The following SIK3 variants were observed in gnomAD, a reference collection of about 807,000 sequenced individuals.
SIK3 encodes the protein SIK family kinase 3.
In SIK3, 28 loss-of-function variants were observed where a neutral mutation model predicts 144.2. That is an observed-to-expected ratio of 0.19 (90% confidence interval 0.14 to 0.27). The LOEUF (loss-of-function observed/expected upper bound fraction) is 0.27, where lower values mean the gene tolerates loss of function less well. Among genes scored for constraint, SIK3 ranks in the 10% least tolerant of loss-of-function variants. The pLI is 1.00. For missense variants in SIK3, 1,319 were observed against 1,776.0 expected (o/e 0.74, Z 4.62); for synonymous variants, 686 against 676.3 (o/e 1.01, Z -0.22).
intron 1 of SIK3, among the ~76,000 whole-genome samples, chr11:117,053,114 G>A (rs900907783): frequency 3.3e-5 from 5 of 152,084 alleles, no homozygotes; most frequent in Non-Finnish European, 5.9e-5. Context: ...CGAGGTGGGT[G>A]GATCACAAGG....
At chr11:116,923,047 G>C (rs1011178722) in intron 4 of SIK3, among the ~76,000 whole-genome samples, 1 of 151,036 alleles carries the variant, frequency 6.6e-6, no homozygotes, top group African/African-American at 2.4e-5. Flanking sequence ...CTCGTGAGTA[G>C]CTGGGATTAC....
chr11:116,993,889 C>G (rs1950575238), intron 1 of SIK3, among the ~76,000 whole-genome samples: 2 of 152,338 alleles, frequency 1.3e-5, no homozygotes, highest in Admixed American at 1.3e-4. Context: ...CTTTTCCGAA[C>G]TGTGTGGCAC....
chr11:117,089,024 A>C (rs902073508), intron 1 of SIK3, among the ~76,000 whole-genome samples: 1 of 152,008 alleles, frequency 6.6e-6, no homozygotes, highest in African/African-American at 2.4e-5. Context: ...TATGCTTGGA[A>C]ATTTCAAGTA....
chr11:116,918,912 T>G (rs943984126), intron 4 of SIK3, among the ~76,000 whole-genome samples: 14 of 152,188 alleles, frequency 9.2e-5, no homozygotes, highest in Non-Finnish European at 5.9e-5. Flanking sequence ...GGAAGGTTAT[T>G]TAGAGCCGCT....
intron 1 of SIK3, among the ~76,000 whole-genome samples, chr11:117,094,910 G>A (rs1480661734): frequency 2.6e-5 from 4 of 152,046 alleles, no homozygotes; most frequent in Non-Finnish European, 4.4e-5. Flanking sequence ...TTCTCTCCTG[G>A]TAACTGTTCT....
At chr11:116,971,040 ATAAG>A (rs982645467) in intron 1 of SIK3, among the ~76,000 whole-genome samples, 18 of 152,248 alleles carry the variant, frequency 1.2e-4, no homozygotes, top group Non-Finnish European at 2.5e-4. Flanking sequence ...ACCTTGGTGA[ATAAG>A]TGTTTCTTTC....
At chr11:117,076,793 G>A (rs930372771) in intron 1 of SIK3, among the ~76,000 whole-genome samples, 32 of 151,796 alleles carry the variant, frequency 2.1e-4, no homozygotes, top group Admixed American at 4.6e-4. Flanking sequence ...CACCCGCCTC[G>A]GCCTCCCAAA....
At chr11:116,856,172 G>A (rs1251679350) in intron 21 of SIK3, among the ~76,000 whole-genome samples, 1 of 150,574 alleles carries the variant, frequency 6.6e-6, no homozygotes, top group African/African-American at 2.4e-5. Flanking sequence ...ACTCCAGCCT[G>A]GGTGACAGAG....
At chr11:117,066,732 G>A (rs1293075032) in intron 1 of SIK3, among the ~76,000 whole-genome samples, 2 of 151,890 alleles carry the variant, frequency 1.3e-5, no homozygotes, top group East Asian at 1.9e-4. Context: ...ACAGAGTGTC[G>A]CTTGTTGCCC....
At chr11:116,912,527 G>C (rs963937821) in intron 4 of SIK3, among the ~76,000 whole-genome samples, 1 of 152,200 alleles carries the variant, frequency 6.6e-6, no homozygotes, top group Admixed American at 6.5e-5. Context: ...GCCAGTACTA[G>C]TGTTCTCAGT....
chr11:117,083,814 A>G (rs1954891724), intron 1 of SIK3, among the ~76,000 whole-genome samples: 1 of 152,218 alleles, frequency 6.6e-6, no homozygotes, highest in Non-Finnish European at 1.5e-5. Context: ...AGAAACAGAA[A>G]ACAACTTACT....
Position 116,932,272 on chromosome 11 carries a change from CT to C in SIK3, c.455-4893del, listed in dbSNP as rs542586523. 3.3e-3 allele frequency among the ~76,000 whole-genome samples: 497 copies of C among 152,196 alleles called. 1 individual carries two copies. The highest frequency in any genetic ancestry group is 0.012 in the African/African-American group (484 of 41,512). The stretch of plus-strand genomic sequence containing the variant: ...CAAGGTAGTAATCTTTTTTTAAAAA[CT>C]TTTTATTTTGAGATAATTATAGATT... On this transcript the variant is annotated intron_variant, in intron 3 of 24. Transcript: ENST00000445177.
intron 7 of SIK3, 147 bp from the exon 8 acceptor site, chr11:116,876,510 G>C (rs999886045): frequency 1.0e-5 from 7 of 697,778 alleles, no homozygotes; most frequent in African/African-American, 1.8e-5. Context: ...AGCCCTGAGT[G>C]ATCAGCTGTA....
intron 1 of SIK3, among the ~76,000 whole-genome samples, chr11:116,991,847 T>A (rs1253006629): frequency 6.6e-6 from 1 of 152,132 alleles, no homozygotes; most frequent in African/African-American, 2.4e-5. Flanking sequence ...AATGCAGCCT[T>A]CTCTGACATC....
At chr11:116,860,063 G>A (rs1025745612) in intron 19 of SIK3, among the ~76,000 whole-genome samples, 1 of 152,108 alleles carries the variant, frequency 6.6e-6, no homozygotes, top group Non-Finnish European at 1.5e-5. Flanking sequence ...TGGCCACCAT[G>A]GCGAAACCCT....
At chr11:116,968,309 A>AT (rs1949636814) in intron 1 of SIK3, among the ~76,000 whole-genome samples, 1 of 151,914 alleles carries the variant, frequency 6.6e-6, no homozygotes, top group African/African-American at 2.4e-5. Flanking sequence ...TGCCCGGCTA[A>AT]TTTTTTGTAT....
At chr11:116,931,190 A>G (rs1433516877) in intron 3 of SIK3, among the ~76,000 whole-genome samples, 2 of 152,226 alleles carry the variant, frequency 1.3e-5, no homozygotes, top group Non-Finnish European at 2.9e-5. Context: ...GAAGAGTAAT[A>G]TTGTTAGAAG....
At chr11:117,023,616 AAAAAAATAT>A (rs1253144199) in intron 1 of SIK3, among the ~76,000 whole-genome samples, 73 of 115,668 alleles carry the variant, frequency 6.3e-4, no homozygotes, top group African/African-American at 2.5e-3. Context: ...AAACAAAAAA[AAAAAAATAT>A]ATATATATAT....
rs1941955613 is a variant in SIK3, at chr11:116,846,360, G to A, written c.*13+23C>T. The A allele has an allele frequency of 1.2e-6, 2 of 1,608,254 alleles. No homozygotes were observed. Among genetic ancestry groups the A allele is most frequent in the African/African-American group, 1.3e-5 (1 of 74,850 alleles). On this transcript the variant is annotated intron_variant, in intron 24 of 24. Coordinates refer to ENST00000445177, the MANE Select transcript of SIK3 (RefSeq NM_001366686.3). This position sits in a 1 kb window ranked among gnomAD's most constrained non-coding sequence, Gnocchi z 4.1. ...GGCACTGGGCCACAGGGCTGGTTTG[G>A]CTCTGGCCAGGGTGACACTCACTCT... is the stretch of plus-strand genomic sequence containing the variant.
Sources: allele counts gnomAD v4.1 joint callset (sites outside exome capture counted in the v4.1 genomes callset), GRCh38; gene constraint gnomAD v4.1.1; non-coding constraint Gnocchi (gnomAD v3.1); transcripts MANE v1.5; gene names NCBI Gene and HGNC (gene_info 2026-07-23, HGNC 2026-07-21).